CCDC73: variants seen among roughly 807,000 people sequenced by gnomAD.
CCDC73 encodes coiled-coil domain containing 73, also known as coiled-coil domain-containing protein 73.
A neutral mutation model predicts 116.5 loss-of-function variants in CCDC73; 95 were observed. That is an observed-to-expected ratio of 0.82 (90% CI 0.69 to 0.97). CCDC73 has a LOEUF of 0.97. Among genes scored for constraint, CCDC73 ranks in the 50% least tolerant of loss-of-function variants. The pLI, the probability that CCDC73 is intolerant of heterozygous loss-of-function variation, is 0.00. For synonymous variants in CCDC73, 398 were observed against 401.3 expected (o/e 0.99, Z 0.10); for missense variants, 1,066 against 1,206.8 (o/e 0.88, Z 1.73).
At chr11:32,703,008 T>C in intron 3 of CCDC73, 64 bp from the exon 4 acceptor site, 1 of 1,041,662 alleles carries the variant, frequency 9.6e-7, no homozygotes, top group South Asian at 1.3e-5. Flanking sequence ...GCTTTAAATC[T>C]TAACTAGGTT....
chr11:32,689,972 A>G (rs1856239730), intron 6 of CCDC73, among the ~76,000 whole-genome samples: 2 of 152,052 alleles, frequency 1.3e-5, no homozygotes, highest in African/African-American at 4.8e-5. Flanking sequence ...TCCAGCCTGG[A>G]TGACAGAGCA....
At chr11:32,705,529 G>A (rs986041726) in intron 3 of CCDC73, among the ~76,000 whole-genome samples, 2 of 152,114 alleles carry the variant, frequency 1.3e-5, no homozygotes, top group East Asian at 1.9e-4. Context: ...ACGCTCACTC[G>A]CTCACACACC....
intron 2 of CCDC73, among the ~76,000 whole-genome samples, chr11:32,750,655 C>T (rs1850280534): frequency 6.6e-6 from 1 of 152,122 alleles, no homozygotes; most frequent in African/African-American, 2.4e-5. Flanking sequence ...GACAGGGTAC[C>T]ACTGATGTTC....
chr11:32,764,362 T>A (rs552349712), intron 1 of CCDC73, among the ~76,000 whole-genome samples: 2 of 151,718 alleles, frequency 1.3e-5, no homozygotes, highest in Non-Finnish European at 2.9e-5. Flanking sequence ...GCAGCCAGAG[T>A]AAAACGTCGG....
intron 14 of CCDC73, among the ~76,000 whole-genome samples, chr11:32,632,561 A>C (rs770970760): frequency 1.1e-4 from 17 of 152,098 alleles, no homozygotes; most frequent in Non-Finnish European, 1.8e-4. Flanking sequence ...CAATTAGGCC[A>C]AGTTAGTTGG....
At chr11:32,706,602 T>A (rs1169372851) in intron 3 of CCDC73, among the ~76,000 whole-genome samples, 2 of 152,174 alleles carry the variant, frequency 1.3e-5, no homozygotes, top group Non-Finnish European at 2.9e-5. Context: ...TCAATGACAC[T>A]GCTATGGGGA....
At chr11:32,653,544 T>C (rs1855845768) in intron 11 of CCDC73, among the ~76,000 whole-genome samples, 1 of 152,136 alleles carries the variant, frequency 6.6e-6, no homozygotes, top group African/African-American at 2.4e-5. Flanking sequence ...TAAAATGTCA[T>C]ATGAGGTATA....
chr11:32,801,532 T>G, the CCDC73 span, among the ~76,000 whole-genome samples: 2 of 151,972 alleles, frequency 1.3e-5, no homozygotes, highest in Admixed American at 1.3e-4. Flanking sequence ...TCCCAGCTAC[T>G]TGGGAGGCTG....
intron 13 of CCDC73, among the ~76,000 whole-genome samples, chr11:32,641,120 A>G (rs980051766): frequency 4.6e-5 from 7 of 152,346 alleles, no homozygotes; most frequent in Admixed American, 2.6e-4. Context: ...AATAATCTAC[A>G]GAAAATATTA....
At chr11:32,657,114 A>G (rs1855881292) in intron 9 of CCDC73, among the ~76,000 whole-genome samples, 1 of 152,210 alleles carries the variant, frequency 6.6e-6, no homozygotes, top group African/African-American at 2.4e-5. Context: ...AATAAAGTCA[A>G]CTGAGATAGG....
At chr11:32,643,817 A>T (rs958064669) in intron 12 of CCDC73, among the ~76,000 whole-genome samples, 1 of 151,986 alleles carries the variant, frequency 6.6e-6, no homozygotes, top group Non-Finnish European at 1.5e-5. Flanking sequence ...GCTACACTAA[A>T]TTTTTTTAAT....
chr11:32,820,893 ATG>A, the CCDC73 span, among the ~76,000 whole-genome samples: 1 of 152,036 alleles, frequency 6.6e-6, no homozygotes, highest in African/African-American at 2.4e-5. Context: ...TGAATTGTCT[ATG>A]TGTTATATCT....
intron 1 of CCDC73, among the ~76,000 whole-genome samples, chr11:32,765,438 T>A (rs907076211): frequency 3.9e-5 from 6 of 152,112 alleles, no homozygotes; most frequent in Non-Finnish European, 7.3e-5. Context: ...GCAATCAAAC[T>A]AGAACTCAGG....
chr11:32,718,749 C>T (rs1443037227), intron 2 of CCDC73, among the ~76,000 whole-genome samples: 1 of 152,152 alleles, frequency 6.6e-6, no homozygotes, highest in Non-Finnish European at 1.5e-5. Flanking sequence ...CAAAAGTCAT[C>T]ACTAAAAATT....
chr11:32,773,201 T>C (rs1850505441), intron 1 of CCDC73, among the ~76,000 whole-genome samples: 1 of 152,148 alleles, frequency 6.6e-6, no homozygotes, highest in African/African-American at 2.4e-5. Context: ...ATTCAACATA[T>C]ATGAAATGTC....
At position 32,614,282 on chromosome 11, in the gene CCDC73, G is replaced by A; in HGVS notation, c.2036C>T (p.Ser679Phe). The A allele has an allele frequency of 6.2e-7, 1 of 1,613,448 alleles. No individual in the cohort carries two copies. Residue 679 changes from serine (S) to phenylalanine (F), a missense_variant, in exon 16 of 18, where the codon TCT becomes TTT. Physicochemically the swap from Ser to Phe is radical, Grantham distance 155 (BLOSUM62 -2). Transcript: ENST00000335185. ...TTGCAGAAAATCTGAAGTTTGTTTA[G>A]AAAGTAATATGCTGCACTCACTTTT... ...TKKSECSILL[S>F]KQTSDFLQVC... is the part of the protein sequence containing the mutation.
the CCDC73 span, among the ~76,000 whole-genome samples, chr11:32,808,515 T>G: frequency 4.6e-5 from 7 of 152,330 alleles, no homozygotes; most frequent in South Asian, 1.2e-3. Context: ...GGCATGTGCC[T>G]GTAGTCCCAG....
chr11:32,729,013 T>C (rs1370397973), intron 2 of CCDC73, among the ~76,000 whole-genome samples: 1 of 152,014 alleles, frequency 6.6e-6, no homozygotes, highest in African/African-American at 2.4e-5. Flanking sequence ...CCCAATTCTT[T>C]TTTTTTTTTT....
intron 1 of CCDC73, among the ~76,000 whole-genome samples, chr11:32,777,552 A>C (rs1336167424): frequency 6.6e-6 from 1 of 152,192 alleles, no homozygotes; most frequent in Non-Finnish European, 1.5e-5. Flanking sequence ...TTTTAGCTGG[A>C]TTAACAACCC....
Sources: allele counts gnomAD v4.1 joint callset (sites outside exome capture counted in the v4.1 genomes callset), GRCh38; gene constraint gnomAD v4.1.1; transcripts MANE v1.5; gene names NCBI Gene and HGNC (gene_info 2026-07-23, HGNC 2026-07-21).